The following PDE1A variants were observed in gnomAD, a reference collection of about 807,000 sequenced individuals.
PDE1A encodes the protein phosphodiesterase 1A, also known as dual specificity calcium/calmodulin-dependent 3',5'-cyclic nucleotide phosphodiesterase 1A.
PDE1A carries 35 observed loss-of-function variants against 61.7 expected under a neutral mutation model. That is an observed-to-expected ratio of 0.57 (90% confidence interval 0.43 to 0.75). The LOEUF is 0.75. PDE1A is among the 30% of genes least tolerant of loss of function. The probability of loss-of-function intolerance (pLI) is 0.00; values close to 1 mark genes in which losing one functional copy is unlikely to be tolerated. For missense variants in PDE1A, 597 were observed against 630.6 expected, an observed-to-expected ratio of 0.95 and a Z score of 0.57; for synonymous variants, 232 against 213.2, an observed-to-expected ratio of 1.09 and a Z score of -0.77.
At chr2:182,466,141 CTT>C (rs1686644644) in intron 2 of PDE1A, among the ~76,000 whole-genome samples, 1 of 151,772 alleles carries the variant, frequency 6.6e-6, no homozygotes, top group Non-Finnish European at 1.5e-5. Context: ...ATACGTTTCT[CTT>C]TGTCTCACAA....
At chr2:182,444,347 CTGTG>C (rs1684994892) in intron 2 of PDE1A, among the ~76,000 whole-genome samples, 1 of 152,064 alleles carries the variant, frequency 6.6e-6, no homozygotes, top group African/African-American at 2.4e-5. Flanking sequence ...TTCTTTGTGG[CTGTG>C]TATTTTTACT....
At chr2:182,552,478 T>C in the PDE1A span, among the ~76,000 whole-genome samples, 1 of 141,090 alleles carries the variant, frequency 7.1e-6, no homozygotes, top group Non-Finnish European at 1.5e-5. Flanking sequence ...AGAGTGTCGC[T>C]CTGTCACCCA....
intron 1 of PDE1A, among the ~76,000 whole-genome samples, chr2:182,333,063 C>T (rs185438697): frequency 6.6e-6 from 1 of 152,240 alleles, no homozygotes; most frequent in African/African-American, 2.4e-5. Flanking sequence ...AATACAGGAG[C>T]ATCCAAATTC....
chr2:182,249,255 A>G (rs73977322), intron 2 of PDE1A, among the ~76,000 whole-genome samples: 5,524 of 152,264 alleles, frequency 0.036, 343 homozygotes, highest in African/African-American at 0.13. Flanking sequence ...GGAAAGACCT[A>G]ATAAGAAAGC....
At chr2:182,666,079 G>A in the PDE1A span, among the ~76,000 whole-genome samples, 2 of 152,096 alleles carry the variant, frequency 1.3e-5, no homozygotes, top group South Asian at 2.1e-4. Flanking sequence ...GGGAGGGAGA[G>A]CATCAGGATA....
rs1559379251 is a variant in PDE1A, at chr2:182,364,490, A to AAAAAAAAAAAAAAAAAAAAAC, written c.53+62087_53+62088insGTTTTTTTTTTTTTTTTTTTT. ...GTAAAAAAAAAAAAAAAAAAAAAAA[A>AAAAAAAAAAAAAAAAAAAAAC]AAAAAAAAACCTTATTCTGAATTAT... On this transcript the variant is annotated intron_variant, in intron 1 of 13. Transcript: ENST00000351439. Among the ~76,000 whole-genome samples the AAAAAAAAAAAAAAAAAAAAAC allele has an allele frequency of 2.8e-5, 4 of 144,082 alleles. No homozygotes were observed. In the East Asian group the frequency reaches 7.0e-4, roughly 25 times the overall value. 94.5% of individuals were successfully genotyped at this position (144,082 alleles called of 152,430 possible).
intron 2 of PDE1A, among the ~76,000 whole-genome samples, chr2:182,516,341 C>A (rs1156252133): frequency 6.6e-6 from 1 of 152,140 alleles, no homozygotes; most frequent in Non-Finnish European, 1.5e-5. Flanking sequence ...TTCTGCCTCT[C>A]TCTTCCACTT....
At chr2:182,234,405 T>C in intron 4 of PDE1A, 27 bp downstream of exon 4, 1 of 1,524,172 alleles carries the variant, frequency 6.6e-7, no homozygotes, top group Non-Finnish European at 9.0e-7. Flanking sequence ...GACCATTTTA[T>C]ACACGAAAAT....
At chr2:182,502,330 GTGTT>G (rs767038523) in intron 2 of PDE1A, among the ~76,000 whole-genome samples, 14 of 151,730 alleles carry the variant, frequency 9.2e-5, no homozygotes, top group Admixed American at 3.3e-4. Context: ...GTGTGTGTGT[GTGTT>G]TGTGTGTGTG....
chr2:182,505,375 T>G (rs1219443210), intron 2 of PDE1A, among the ~76,000 whole-genome samples: 5 of 152,178 alleles, frequency 3.3e-5, no homozygotes, highest in African/African-American at 1.2e-4. Flanking sequence ...ACCTCAATCT[T>G]AACATTTGGC....
At chr2:182,223,440 CA>C (rs1688893302) in intron 7 of PDE1A, among the ~76,000 whole-genome samples, 1 of 151,896 alleles carries the variant, frequency 6.6e-6, no homozygotes, top group Non-Finnish European at 1.5e-5. Context: ...TTTAATACTT[CA>C]TGTTGGCCTG....
At chr2:182,323,145 T>TAGAA (rs1327785340) in intron 1 of PDE1A, among the ~76,000 whole-genome samples, 5 of 152,216 alleles carry the variant, frequency 3.3e-5, no homozygotes, top group Non-Finnish European at 7.4e-5. Context: ...AATGGCTTTA[T>TAGAA]AGAAGCCTTT....
chr2:182,309,071 A>G (rs138131955), intron 1 of PDE1A, among the ~76,000 whole-genome samples: 2 of 151,960 alleles, frequency 1.3e-5, no homozygotes, highest in African/African-American at 2.4e-5. Flanking sequence ...GGGAAAAAGC[A>G]GAGTTTGCAA....
At chr2:182,709,492 G>A in the PDE1A span, among the ~76,000 whole-genome samples, 4 of 152,084 alleles carry the variant, frequency 2.6e-5, no homozygotes, top group Non-Finnish European at 4.4e-5. Flanking sequence ...TGATCTCAAC[G>A]AATTCAGTAT....
At chr2:182,335,115 G>C (rs1227758431) in intron 1 of PDE1A, among the ~76,000 whole-genome samples, 5 of 152,096 alleles carry the variant, frequency 3.3e-5, no homozygotes, top group African/African-American at 1.2e-4. Context: ...GAAAATAAGA[G>C]AGGACACAAA....
chr2:182,524,278 T>C (rs1690724822), upstream of PDE1A, among the ~76,000 whole-genome samples: 2 of 152,216 alleles, frequency 1.3e-5, no homozygotes, highest in South Asian at 4.1e-4. Context: ...TCTCCATAGA[T>C]AGCAAGTACT....
At chr2:182,433,869 C>T (rs574416831) in intron 2 of PDE1A, among the ~76,000 whole-genome samples, 5 of 152,184 alleles carry the variant, frequency 3.3e-5, no homozygotes, top group South Asian at 4.1e-4. Context: ...TGTTTCTGTA[C>T]ATACTTTTCC....
At chr2:182,299,216 G>A (rs1695075650) in intron 1 of PDE1A, among the ~76,000 whole-genome samples, 1 of 151,716 alleles carries the variant, frequency 6.6e-6, no homozygotes, top group African/African-American at 2.4e-5. Context: ...TAGATGCCAG[G>A]TAATAAATGG....
the PDE1A span, among the ~76,000 whole-genome samples, chr2:182,659,630 A>G: frequency 6.6e-6 from 1 of 152,204 alleles, no homozygotes. Context: ...GTTATATGAA[A>G]GAGCTTGAAC....
Sources: gnomAD v4.1 joint callset for allele counts (sites outside exome capture counted in the v4.1 genomes callset) on GRCh38, gnomAD v4.1.1 for gene constraint, MANE v1.5 for transcripts, NCBI Gene and HGNC (gene_info 2026-07-23, HGNC 2026-07-21) for gene names.